The following HPD variants were observed in gnomAD, a reference collection of about 807,000 sequenced individuals.
The protein encoded by HPD is 4-hydroxyphenylpyruvate dioxygenase.
A neutral mutation model predicts 56.9 loss-of-function variants in HPD; 35 were observed. The ratio of observed to expected loss-of-function variants is 0.62; its 90% CI spans 0.47 to 0.82. The LOEUF (loss-of-function observed/expected upper bound fraction) is 0.82. HPD is among the 40% of genes least tolerant of loss of function. HPD has a pLI of 0.00. For missense variants in HPD, 442 were observed against 506.8 expected, an observed-to-expected ratio of 0.87 and a Z score of 1.23; for synonymous variants, 186 against 200.2, an observed-to-expected ratio of 0.93 and a Z score of 0.60.
At chr12:121,856,859 G>C in intron 4 of HPD, 1 of 590,042 alleles carries the variant, frequency 1.7e-6, no homozygotes, top group South Asian at 2.0e-5. Context: ...CTCCCTCGGG[G>C]AGAGAACTCC....
intron 3 of HPD, 59 bp from the exon 4 acceptor site, chr12:121,857,491 C>G (rs1308558986): frequency 7.7e-7 from 1 of 1,302,498 alleles, no homozygotes; most frequent in Non-Finnish European, 1.1e-6. Context: ...TGGGGGACTT[C>G]CGCAAGAGAG....
upstream of HPD, among the ~76,000 whole-genome samples, chr12:121,866,806 T>A (rs915352251): frequency 2.6e-5 from 4 of 152,146 alleles, no homozygotes; most frequent in Non-Finnish European, 5.9e-5. Context: ...CGTACAGTTC[T>A]ATGAATTTTG....
At chr12:121,844,773 T>A (rs1347867106) in intron 11 of HPD, among the ~76,000 whole-genome samples, 2 of 151,450 alleles carry the variant, frequency 1.3e-5, no homozygotes, top group Non-Finnish European at 2.9e-5. Context: ...CCCAGCTACT[T>A]GGGAGGCTGA....
the HPD span, among the ~76,000 whole-genome samples, chr12:121,883,180 T>TTTGTG: frequency 1.7e-5 from 2 of 115,374 alleles, no homozygotes; most frequent in Admixed American, 9.7e-5. Flanking sequence ...GGAGCATAAG[T>TTTGTG]TGTGTGTGTG....
In HPD at chr12:121,857,690, C is replaced by T. The variant is rs1365231685; in HGVS notation, c.93+67G>A. ...GGCCAATCACAGACCCTGCTGGAGG[C>T]CTGCCCTTGTCAGGCAGCCCTCTGC... On this transcript the variant is annotated intron_variant, in intron 3 of 13. Transcript: ENST00000289004. 4.4e-6 allele frequency: 6 copies of T among 1,354,056 alleles called. No homozygotes were observed. In the East Asian group the frequency reaches 9.2e-5, roughly 21 times the overall value. The allele number at this position is 1,354,056 out of a possible 1,614,324, so 83.9% of individuals were successfully genotyped here. A position where few individuals can be genotyped will look rare whatever the true frequency, so the allele number is the denominator to read the frequency against.
At chr12:121,861,869 C>T (rs551337710), upstream of HPD, among the ~76,000 whole-genome samples, 12 of 152,252 alleles carry the variant, frequency 7.9e-5, no homozygotes, top group South Asian at 2.3e-3. Context: ...CCTGAATTCA[C>T]GAATTCTAGT....
At chr12:121,862,272 T>A (rs563671150), upstream of HPD, among the ~76,000 whole-genome samples, 1 of 151,862 alleles carries the variant, frequency 6.6e-6, no homozygotes, top group South Asian at 2.1e-4. Flanking sequence ...ACCATTTACA[T>A]TGGGCTGCTC....
the HPD span, among the ~76,000 whole-genome samples, chr12:121,878,229 A>G: frequency 1.3e-5 from 2 of 152,198 alleles, no homozygotes; most frequent in African/African-American, 4.8e-5. Context: ...GCGTTTTTAG[A>G]TATTGGGAAA....
At chr12:121,886,551 T>G in the HPD span, among the ~76,000 whole-genome samples, 1 of 152,076 alleles carries the variant, frequency 6.6e-6, no homozygotes, top group South Asian at 2.1e-4. Flanking sequence ...CTTATACTCT[T>G]CACGTGGATT....
the HPD span, among the ~76,000 whole-genome samples, chr12:121,881,937 C>T: frequency 6.7e-6 from 1 of 148,564 alleles, no homozygotes. Flanking sequence ...TGAGCCACCG[C>T]GCCCAACCTA....
chr12:121,861,805 C>G (rs547127118), upstream of HPD, among the ~76,000 whole-genome samples: 1 of 152,156 alleles, frequency 6.6e-6, no homozygotes, highest in Non-Finnish European at 1.5e-5. Context: ...AGCCTCGCTT[C>G]GCTCTTAGCC....
At chr12:121,881,567 G>C in the HPD span, among the ~76,000 whole-genome samples, 1 of 152,078 alleles carries the variant, frequency 6.6e-6, no homozygotes, top group Non-Finnish European at 1.5e-5. Context: ...GGCTTAAGGG[G>C]TGGGGTAAGA....
At chr12:121,860,262 C>A (rs80162792), upstream of HPD, among the ~76,000 whole-genome samples, 197 of 152,266 alleles carry the variant, frequency 1.3e-3, 5 homozygotes, top group East Asian at 0.035. Context: ...CTCTGTGTAG[C>A]CTGCCTATCC....
At chr12:121,885,326 C>T in the HPD span, among the ~76,000 whole-genome samples, 3 of 152,060 alleles carry the variant, frequency 2.0e-5, no homozygotes, top group East Asian at 3.9e-4. Flanking sequence ...CTCAATCTCC[C>T]GAGTAGCTGT....
At chr12:121,858,479 C>T (rs898919807) in intron 2 of HPD, among the ~76,000 whole-genome samples, 3 of 152,074 alleles carry the variant, frequency 2.0e-5, no homozygotes, top group African/African-American at 7.2e-5. Flanking sequence ...CCACCATGCC[C>T]GGCCAGGATA....
chr12:121,865,980 CTG>C (rs1565882042), upstream of HPD, among the ~76,000 whole-genome samples: 2 of 151,504 alleles, frequency 1.3e-5, no homozygotes, highest in Non-Finnish European at 2.9e-5. Context: ...GAGTGAGACT[CTG>C]TTTTTTAAAA....
chr12:121,847,364 G>A, intron 9 of HPD, 150 bp from the exon 10 acceptor site: 1 of 718,244 alleles, frequency 1.4e-6, no homozygotes, highest in Non-Finnish European at 2.4e-6. Flanking sequence ...AGATCTTTTT[G>A]TTGTTGTTGT....
chr12:121,885,155 T>C, the HPD span, among the ~76,000 whole-genome samples: 1 of 151,862 alleles, frequency 6.6e-6, no homozygotes, highest in Non-Finnish European at 1.5e-5. Flanking sequence ...CCTCCCAAAG[T>C]GCTGAGATTA....
intron 12 of HPD, among the ~76,000 whole-genome samples, chr12:121,842,326 G>A (rs761745600): frequency 1.5e-4 from 22 of 151,418 alleles, no homozygotes; most frequent in South Asian, 4.2e-4. Flanking sequence ...ATACAGGGTC[G>A]CCCTGTGTTT....
Sources: allele counts gnomAD v4.1 joint callset (sites outside exome capture counted in the v4.1 genomes callset), GRCh38; gene constraint gnomAD v4.1.1; transcripts MANE v1.5; gene names NCBI Gene and HGNC (gene_info 2026-07-23, HGNC 2026-07-21).